Variants in BTBD8 observed in about 807,000 individuals in gnomAD.
The protein encoded by BTBD8 is BTB/POZ domain-containing protein 8.
Under a neutral mutation model 162.9 loss-of-function variants are expected in BTBD8, and 110 were observed. That is an observed-to-expected ratio of 0.68 (90% confidence interval 0.58 to 0.79). BTBD8 has a LOEUF of 0.79. BTBD8 is among the 30% of genes least tolerant of loss of function. BTBD8 has a pLI of 0.00. For synonymous variants in BTBD8, 667 were observed against 716.1 expected (o/e 0.93, Z 1.10); for missense variants, 1,905 against 2,085.4 (o/e 0.91, Z 1.68).
At chr1:92,118,803 C>CTTTCTTTTTTTTTTTTT (rs767516943) in intron 4 of BTBD8, among the ~76,000 whole-genome samples, 5 of 95,282 alleles carry the variant, frequency 5.2e-5, no homozygotes, top group African/African-American at 1.9e-4. Flanking sequence ...TTCTTTCTTT[C>CTTTCTTTTTTTTTTTTT]TTTTTTTTTT....
intron 13 of BTBD8, among the ~76,000 whole-genome samples, chr1:92,175,208 CG>C (rs1650673710): frequency 6.6e-6 from 1 of 151,862 alleles, no homozygotes. Context: ...AGGACGGGCG[CG>C]GTGGCTCACA....
chr1:92,176,889 A>G lies in BTBD8; in HGVS notation c.1696A>G (p.Lys566Glu). 1 of 1,504,236 alleles carries G rather than the reference A, an allele frequency of 6.6e-7. No homozygotes were observed. The highest frequency in any genetic ancestry group is 1.3e-5 in the South Asian group (1 of 74,988). The allele number at this position is 1,504,236 out of a possible 1,614,324, so 93.2% of individuals were successfully genotyped here. A position where few individuals can be genotyped will look rare whatever the true frequency, so the allele number is the denominator to read the frequency against. ...AATCAAATCTTGGAGGGGAAATAAC[A>G]AGAAAGAGTGTTGGAGTTATCTCTC... ...IKIKSWRGNN[K>E]KECWSYLSTN... The change falls in exon 14 of 18, where the codon AAG (lysine) becomes GAG (glutamate). Residue 566 changes from lysine to glutamate, a missense_variant. This residue lies in a region of BTBD8 where 1,374 missense variants were observed against 1,442.7 expected (regional missense o/e 0.95). Coordinates refer to ENST00000636805, the MANE Select transcript of BTBD8 (RefSeq NM_001376131.1).
chr1:92,112,923 C>T (rs1303305309), intron 4 of BTBD8, among the ~76,000 whole-genome samples: 1 of 152,148 alleles, frequency 6.6e-6, no homozygotes, highest in African/African-American at 2.4e-5. Flanking sequence ...ACTAAAATTT[C>T]CTTCTCTAGA....
intron 3 of BTBD8, among the ~76,000 whole-genome samples, chr1:92,103,581 A>T (rs1057386071): frequency 4.6e-5 from 7 of 152,198 alleles, no homozygotes; most frequent in African/African-American, 1.4e-4. Context: ...ATGCAGTGGG[A>T]TTGCACCACA....
chr1:92,181,394 G>C lies in BTBD8; in HGVS notation c.3711G>C (p.Leu1237Phe). ...CTCCATTTGTGGGTCACTGGAATTT[G>C]AGTACTGGTGTTCTGCATCAGCGAG... ...PETPFVGHWN[L>F]STGVLHQRES... Residue 1237 changes from leucine to phenylalanine, a missense_variant, in exon 17 of 18, where the codon TTG (leucine) becomes TTC (phenylalanine). Leu to Phe is a conservative substitution (Grantham distance 22). Coordinates refer to ENST00000636805, the MANE Select transcript of BTBD8 (RefSeq NM_001376131.1). 6.4e-7 allele frequency: 1 copy of C among 1,551,688 alleles called. No individual in the cohort carries two copies. Among genetic ancestry groups the C allele is most frequent in the Non-Finnish European group, 8.7e-7 (1 of 1,146,980 alleles).
chr1:92,138,200 C>T (rs767823276), intron 5 of BTBD8, among the ~76,000 whole-genome samples: 35 of 152,066 alleles, frequency 2.3e-4, no homozygotes, highest in Non-Finnish European at 4.4e-4. Flanking sequence ...AGTGCTTTTG[C>T]CCCCCACAAC....
Position 92,102,453 on chromosome 1 carries a change from T to C in BTBD8, c.348-20T>C. On this transcript the variant is annotated intron_variant, in intron 2 of 17. Coordinates refer to ENST00000636805, the MANE Select transcript of BTBD8 (RefSeq NM_001376131.1). ...AATCACCAATGTTATTTTATTAATA[T>C]TTTATATTTTGTCTTTTAGGATTAT... is the stretch of plus-strand genomic sequence containing the variant. 1.5e-6 allele frequency: 2 copies of C among 1,321,048 alleles called. No homozygotes were observed. Among genetic ancestry groups the C allele is most frequent in the East Asian group, 2.8e-5 (1 of 35,970 alleles). The allele number at this position is 1,321,048 out of a possible 1,614,324, so 81.8% of individuals were successfully genotyped here.
intron 3 of BTBD8, among the ~76,000 whole-genome samples, chr1:92,103,863 A>C (rs495446): frequency 0.031 from 4,795 of 152,302 alleles, 91 homozygotes; most frequent in African/African-American, 0.038. Context: ...CTCTGCTCAG[A>C]CAGGTCAGAC....
intron 4 of BTBD8, among the ~76,000 whole-genome samples, chr1:92,121,368 G>A (rs995623385): frequency 6.6e-6 from 1 of 152,122 alleles, no homozygotes; most frequent in Non-Finnish European, 1.5e-5. Context: ...TCCTTGTCAG[G>A]TTTAGGCCTC....
chr1:92,152,079 C>G (rs1238257026), intron 9 of BTBD8, among the ~76,000 whole-genome samples: 1 of 152,130 alleles, frequency 6.6e-6, no homozygotes, highest in Non-Finnish European at 1.5e-5. Context: ...GTGCCCTGTT[C>G]AAGTTCCCAA....
intron 3 of BTBD8, among the ~76,000 whole-genome samples, chr1:92,103,985 G>T (rs549110623): frequency 6.6e-6 from 1 of 152,354 alleles, no homozygotes; most frequent in East Asian, 1.9e-4. Context: ...CATAACACAT[G>T]CAGTAAACTG....
rs762962917 is a variant in BTBD8 at position 92,147,762 on chromosome 1, T to C, written c.1098T>C (p.Cys366=). 6 of 1,613,512 alleles carry C rather than the reference T, an allele frequency of 3.7e-6. No homozygotes were observed. Among genetic ancestry groups the C allele is most frequent in the Non-Finnish European group, 5.1e-6 (6 of 1,179,744 alleles). The change falls in exon 9 of 18, where the codon TGT becomes TGC. Residue 366 remains cysteine (C), a synonymous_variant. Transcript: ENST00000636805. ...TACCTCCTGAGATTCAGAAAAGTTG[T>C]CTTAATATGTTGATTCAGTCCTTAG... is the stretch of plus-strand genomic sequence containing the variant. ...ANIPPEIQKS[C]LNMLIQSLND...
chr1:92,139,314 C>G, intron 5 of BTBD8, 36 bp from the exon 6 acceptor site: 1 of 1,539,862 alleles, frequency 6.5e-7, no homozygotes, highest in Non-Finnish European at 8.7e-7. Context: ...TCAGTTAAAC[C>G]TTAATTCTGG....
chr1:92,109,148 A>C (rs948001623), intron 4 of BTBD8, among the ~76,000 whole-genome samples: 3 of 152,178 alleles, frequency 2.0e-5, no homozygotes, highest in African/African-American at 7.2e-5. Flanking sequence ...TAAAGGTTGC[A>C]AAATTCAGAA....
intron 2 of BTBD8, 107 bp from the exon 3 acceptor site, chr1:92,102,366 G>T: frequency 1.0e-6 from 1 of 961,190 alleles, no homozygotes; most frequent in Non-Finnish European, 1.4e-6. Context: ...TCCAAATTAA[G>T]AAGGTTTAAT....
At chr1:92,148,149 A>G (rs1649969431) in intron 9 of BTBD8, among the ~76,000 whole-genome samples, 1 of 152,214 alleles carries the variant, frequency 6.6e-6, no homozygotes, top group South Asian at 2.1e-4. Flanking sequence ...CAAGGGAATC[A>G]GCCATCTACC....
intron 7 of BTBD8, among the ~76,000 whole-genome samples, chr1:92,142,364 C>T (rs1443656381): frequency 6.6e-6 from 1 of 152,202 alleles, no homozygotes; most frequent in Non-Finnish European, 1.5e-5. Context: ...GATGTCTTCT[C>T]ATCCCCTAGA....
intron 2 of BTBD8, among the ~76,000 whole-genome samples, chr1:92,098,309 T>G (rs1648505807): frequency 6.6e-6 from 1 of 152,232 alleles, no homozygotes; most frequent in African/African-American, 2.4e-5. Flanking sequence ...TACTGTATTT[T>G]GTTTACCCAG....
intron 10 of BTBD8, among the ~76,000 whole-genome samples, chr1:92,167,615 C>A (rs1295373447): frequency 6.6e-6 from 1 of 152,200 alleles, no homozygotes; most frequent in Admixed American, 6.5e-5. Context: ...ACATATGTAA[C>A]AAACCTGCAC....
Sources: gnomAD v4.1 joint callset for allele counts (sites outside exome capture counted in the v4.1 genomes callset) on GRCh38, gnomAD v4.1.1 for gene constraint, gnomAD v4.1.1 regional missense constraint, MANE v1.5 for transcripts, NCBI Gene and HGNC (gene_info 2026-07-23, HGNC 2026-07-21) for gene names.